The following CENPF variants were observed in gnomAD, a reference collection of about 807,000 sequenced individuals.
The protein encoded by CENPF is AH antigen.
A neutral mutation model predicts 307.3 loss-of-function variants in CENPF; 214 were observed. The ratio of observed to expected loss-of-function variants is 0.70; its 90% confidence interval spans 0.62 to 0.78. The LOEUF (loss-of-function observed/expected upper bound fraction) is 0.78, where lower values mean the gene tolerates loss of function less well. Ranked by LOEUF, CENPF falls within the 30% of genes least tolerant of loss-of-function variation. The pLI is 0.00. For synonymous variants in CENPF, 1,259 were observed against 1,270.6 expected, an observed-to-expected ratio of 0.99 and a Z score of 0.19; for missense variants, 3,401 against 3,483.9, an observed-to-expected ratio of 0.98 and a Z score of 0.60.
Position 214,658,834 on chromosome 1 carries a change from T to A in CENPF, c.8963-16T>A. ...TTGGACCTAGCAGTGCTGACAGTTA[T>A]TTTTTTTGCCCTTAGGGTTTGCTGA... is the stretch of plus-strand genomic sequence containing the variant. On this transcript the variant is annotated splice_polypyrimidine_tract_variant and intron_variant, in intron 18 of 19. Transcript: ENST00000366955. 6.4e-7 allele frequency: 1 copy of A among 1,569,860 alleles called. No individual in the cohort carries two copies. The highest frequency in any genetic ancestry group is 8.7e-7 in the Non-Finnish European group (1 of 1,148,276).
In CENPF at chr1:214,622,392, T is replaced by C. The variant is rs1447381601; in HGVS notation, c.1068+111T>C. The C allele has an allele frequency of 3.2e-6, 3 of 932,078 alleles. No individual in the cohort carries two copies. The African/African-American group carries it at 5.1e-5, about 16-fold the overall frequency. The allele number at this position is 932,078 out of a possible 1,614,324, so 57.7% of individuals were successfully genotyped here. On this transcript the variant is annotated intron_variant, in intron 7 of 19. Transcript: ENST00000366955. ...AAATGTCAGTAATGTTCTTTGTTAA[T>C]ATATATTAGGTACTCTTGATGCAAC...
chr1:214,613,541 A>G (rs768434369), intron 1 of CENPF, 173 bp from the exon 2 acceptor site: 6 of 430,824 alleles, frequency 1.4e-5, no homozygotes, highest in South Asian at 5.3e-5. Flanking sequence ...CTTCAGAATC[A>G]ATTATTGGTT....
Position 214,647,814 on chromosome 1 carries a change from T to C in CENPF, c.7830+414T>C, listed in dbSNP as rs1022797316. Among the ~76,000 whole-genome samples, 6 of 152,338 alleles carry C rather than the reference T, an allele frequency of 3.9e-5. No homozygotes were observed. In the East Asian group the frequency reaches 9.6e-4, roughly 24 times the overall value. On this transcript the variant is annotated intron_variant, in intron 13 of 19. Coordinates refer to ENST00000366955, the MANE Select transcript of CENPF (RefSeq NM_016343.4). ...ATCGGAAAGGATCTGCCTGCCTTAC[T>C]GTGTCTTTTTTGCCTTCAGGACAAA... is the stretch of plus-strand genomic sequence containing the variant.
At chr1:214,649,870 CTTTATTCATTCA>C (rs1294679802) in intron 14 of CENPF, among the ~76,000 whole-genome samples, 2 of 152,166 alleles carry the variant, frequency 1.3e-5, no homozygotes, top group African/African-American at 4.8e-5. Flanking sequence ...TTTGCATTGG[CTTTATTCATTCA>C]TTTATTCATT....
Position 214,629,053 on chromosome 1 carries a change from C to T in CENPF, c.1076C>T (p.Ala359Val). 1 of 1,604,856 alleles carries T rather than the reference C, an allele frequency of 6.2e-7. No homozygotes were observed. The highest frequency in any genetic ancestry group is 1.1e-5 in the South Asian group (1 of 89,696). ...ATTTTTATTCATTATTAGTATACTG[C>T]ATTGGAACAAAAACTGAAAAAATTG... is the stretch of plus-strand genomic sequence containing the variant. Reference protein sequence around the residue: ...QYDQASTKYTALEQKLKKLTE... With the variant: ...QYDQASTKYTVLEQKLKKLTE... Residue 359 changes from alanine to valine, a missense_variant, in exon 8 of 20, where the codon GCA becomes GTA. Transcript: ENST00000366955.
chr1:214,611,037 A>G (rs182456652), intron 1 of CENPF, among the ~76,000 whole-genome samples: 1 of 152,060 alleles, frequency 6.6e-6, no homozygotes, highest in Non-Finnish European at 1.5e-5. Context: ...CCATTGGTCT[A>G]TGTGTCTGAT....
chr1:214,618,358 T>C (rs1657415011), intron 3 of CENPF, among the ~76,000 whole-genome samples: 1 of 152,230 alleles, frequency 6.6e-6, no homozygotes, highest in Non-Finnish European at 1.5e-5. Flanking sequence ...CTGTTTCTTT[T>C]ACTAGACTGA....
At chr1:214,662,803 T>A (rs892671471) in intron 19 of CENPF, among the ~76,000 whole-genome samples, 1 of 151,926 alleles carries the variant, frequency 6.6e-6, no homozygotes, top group East Asian at 1.9e-4. Flanking sequence ...TTTTTTTTTT[T>A]AAATCTTGCT....
At position 214,652,818 on chromosome 1, in the gene CENPF, T is replaced by C; in HGVS notation, c.8161-10T>C. The C allele has an allele frequency of 6.4e-7, 1 of 1,553,730 alleles. No individual in the cohort carries two copies. Among genetic ancestry groups the C allele is most frequent in the Non-Finnish European group, 8.6e-7 (1 of 1,156,304 alleles). On this transcript the variant is annotated splice_polypyrimidine_tract_variant and intron_variant, in intron 15 of 19. Transcript: ENST00000366955. ...TAACATTTTGGTTTTTTTTGTTTGT[T>C]TTGCTCTAGTATGAAGTAGAAATCC...
chr1:214,618,526 C>T lies in CENPF; in HGVS notation c.360-47C>T, dbSNP rs1273451302. The T allele has an allele frequency of 5.6e-6, 9 of 1,605,876 alleles. No homozygotes were observed. The Admixed American group carries it at 1.4e-4, about 24-fold the overall frequency. ...AATGTAAGGCATTGATATTCTGTAG[C>T]CTTTGCTCTAACTGATTTGTCTGCC... On this transcript the variant is annotated intron_variant, in intron 3 of 19. Transcript: ENST00000366955.
rs1657532785 is a variant in CENPF, at chr1:214,622,396, T to C, written c.1068+115T>C. 3.4e-6 allele frequency: 3 copies of C among 883,498 alleles called. No individual in the cohort carries two copies. In the Admixed American group the frequency reaches 8.9e-5, roughly 26 times the overall value. 54.7% of individuals were successfully genotyped at this position (883,498 alleles called of 1,614,324 possible). A position where few individuals can be genotyped will look rare whatever the true frequency, so the allele number is the denominator to read the frequency against. On this transcript the variant is annotated intron_variant, in intron 7 of 19. Transcript: ENST00000366955. Reference sequence around the variant, plus strand: ...GTCAGTAATGTTCTTTGTTAATATATATTAGGTACTCTTGATGCAACTGAA... The same window carrying C: ...GTCAGTAATGTTCTTTGTTAATATACATTAGGTACTCTTGATGCAACTGAA...
At chr1:214,622,704 A>G (rs547189648) in intron 7 of CENPF, among the ~76,000 whole-genome samples, 4 of 146,134 alleles carry the variant, frequency 2.7e-5, no homozygotes, top group African/African-American at 1.1e-4. Flanking sequence ...GCATTCATGG[A>G]TTCAACCAAC....
At chr1:214,648,463 T>G (rs775362490) in intron 13 of CENPF, 1 of 725,486 alleles carries the variant, frequency 1.4e-6, no homozygotes, top group Non-Finnish European at 2.5e-6. Context: ...TTATTACTAT[T>G]CTTCTATTAA....
Position 214,657,330 on chromosome 1 carries a change from C to A in CENPF, c.8883C>A (p.Val2961=), listed in dbSNP as rs956722004. The A allele has an allele frequency of 7.4e-6, 12 of 1,613,656 alleles. No individual in the cohort carries two copies. The highest frequency in any genetic ancestry group is 1.0e-5 in the Non-Finnish European group (12 of 1,180,020). Residue 2961 remains valine (V), a synonymous_variant, in exon 18 of 20, where the codon GTC becomes GTA. Transcript: ENST00000366955. ...ESFSKKSKKA[V]MSGIHPAEDT... The stretch of plus-strand genomic sequence containing the variant: ...TTTCTAAAAAAAGCAAGAAAGCAGT[C>A]ATGAGTGGTATTCACCCTGCAGAAG...
chr1:214,649,181 G>A (rs551095121), intron 14 of CENPF, among the ~76,000 whole-genome samples: 1 of 152,140 alleles, frequency 6.6e-6, no homozygotes, highest in Non-Finnish European at 1.5e-5. Context: ...ATTACAGGGT[G>A]GAATGTTGCT....
At chr1:214,612,503 C>A (rs1657226393) in intron 1 of CENPF, among the ~76,000 whole-genome samples, 1 of 152,070 alleles carries the variant, frequency 6.6e-6, no homozygotes, top group Non-Finnish European at 1.5e-5. Flanking sequence ...GAGGAGGCGT[C>A]CCTCCTCCTT....
rs1558190449 is a variant in CENPF, at chr1:214,652,937, A to G, written c.8270A>G (p.Asn2757Ser). ...TTAAAGTCTAGTAAAGAAGAGCTCA[A>G]TAATTCATTGAAAGCTACTACTCAG... ...DLLKSSKEEL[N>S]NSLKATTQIL... is the part of the protein sequence containing the mutation. The change falls in exon 16 of 20, where the codon AAT becomes AGT. Residue 2757 changes from asparagine (N) to serine (S), a missense_variant. By Grantham distance (46) the Asn-to-Ser change is conservative. Coordinates refer to ENST00000366955, the MANE Select transcript of CENPF (RefSeq NM_016343.4). The G allele has an allele frequency of 3.7e-6, 6 of 1,608,170 alleles. No homozygotes were observed. The highest frequency in any genetic ancestry group is 1.7e-5 in the Admixed American group (1 of 58,668).
chr1:214,624,823 G>GT (rs1558175167), intron 7 of CENPF, among the ~76,000 whole-genome samples: 1 of 151,996 alleles, frequency 6.6e-6, no homozygotes, highest in African/African-American at 2.4e-5. Context: ...TGTTGAGTTT[G>GT]TTAATATACT....
chr1:214,608,852 C>T (rs1657116138), intron 1 of CENPF: 2 of 1,551,068 alleles, frequency 1.3e-6, no homozygotes, highest in Non-Finnish European at 1.7e-6. Flanking sequence ...GCGGGCGCCG[C>T]CCGGGCCAGG....
Sources: allele counts gnomAD v4.1 joint callset (sites outside exome capture counted in the v4.1 genomes callset), GRCh38; gene constraint gnomAD v4.1.1; transcripts MANE v1.5; gene names NCBI Gene and HGNC (gene_info 2026-07-23, HGNC 2026-07-21).